The following ENTPD1 variants were observed in gnomAD, a reference collection of about 807,000 sequenced individuals.
ENTPD1 encodes the protein ectonucleoside triphosphate diphosphohydrolase 1, also known as ATP diphosphohydrolase.
Under a neutral mutation model 57.0 loss-of-function variants are expected in ENTPD1, and 33 were observed. The ratio of observed to expected loss-of-function variants is 0.58; its 90% CI spans 0.44 to 0.77. The LOEUF is 0.77. ENTPD1 is among the 30% of genes least tolerant of loss of function. ENTPD1 has a pLI of 0.00. For missense variants in ENTPD1, 501 were observed against 603.4 expected (o/e 0.83, Z 1.78); for synonymous variants, 202 against 218.8 (o/e 0.92, Z 0.68).
chr10:95,873,138 A>G lies in ENTPD1; in HGVS notation c.*6755A>G, dbSNP rs2098482287. The G allele has an allele frequency of 3.1e-6, 3 of 982,824 alleles. No individual in the cohort carries two copies. The highest frequency in any genetic ancestry group is 1.7e-5 in the African/African-American group (1 of 57,190). The allele number at this position is 982,824 out of a possible 1,614,324, so 60.9% of individuals were successfully genotyped here. The stretch of plus-strand genomic sequence containing the variant: ...ACATTTCCAACAAGCTGCCAGGTAA[A>G]GCCAATACATCTGTCCAGGAATCAC... On this transcript the variant is annotated 3_prime_UTR_variant, in exon 10 of 10. Coordinates refer to ENST00000371205, the MANE Select transcript of ENTPD1 (RefSeq NM_001776.6).
chr10:95,694,895 A>ATTTTT, the ENTPD1 span, among the ~76,000 whole-genome samples: 127 of 98,724 alleles, frequency 1.3e-3, 1 homozygote, highest in African/African-American at 2.0e-3. Flanking sequence ...TGAGGAGCTG[A>ATTTTT]TTTTTTTTTT....
chr10:95,730,303 T>C (rs1162065650), intron 1 of ENTPD1, among the ~76,000 whole-genome samples: 1 of 152,054 alleles, frequency 6.6e-6, no homozygotes, highest in East Asian at 1.9e-4. Flanking sequence ...GAGCTTCCTG[T>C]CTCAGCCCCC....
At chr10:95,784,361 C>T (rs2098169980) in intron 1 of ENTPD1, among the ~76,000 whole-genome samples, 1 of 152,074 alleles carries the variant, frequency 6.6e-6, no homozygotes, top group Non-Finnish European at 1.5e-5. Flanking sequence ...TGGCTTGCTG[C>T]CAGCATTTTC....
Position 95,867,397 on chromosome 10 carries a change from T to G in ENTPD1, c.*1014T>G. 1 of 985,444 alleles carries G rather than the reference T, an allele frequency of 1.0e-6. No homozygotes were observed. The highest frequency in any genetic ancestry group is 1.2e-6 in the Non-Finnish European group (1 of 829,934). 61.0% of individuals were successfully genotyped at this position (985,444 alleles called of 1,614,324 possible). A position where few individuals can be genotyped will look rare whatever the true frequency, so the allele number is the denominator to read the frequency against. Reference sequence around the variant, plus strand: ...CTGGGTAGGCAGAAACCATAGATCTTTTGTGTTTACAGCTATGGAAACCAA... The same window carrying G: ...CTGGGTAGGCAGAAACCATAGATCTGTTGTGTTTACAGCTATGGAAACCAA... On this transcript the variant is annotated 3_prime_UTR_variant, in exon 10 of 10. Coordinates refer to ENST00000371205, the MANE Select transcript of ENTPD1 (RefSeq NM_001776.6).
At chr10:95,857,224 C>T (rs184596556) in intron 7 of ENTPD1, among the ~76,000 whole-genome samples, 4 of 152,196 alleles carry the variant, frequency 2.6e-5, no homozygotes, top group South Asian at 2.1e-4. Context: ...CTGACTTGAT[C>T]GCTATGTATC....
At chr10:95,703,942 T>C in the ENTPD1 span, among the ~76,000 whole-genome samples, 1 of 151,104 alleles carries the variant, frequency 6.6e-6, no homozygotes, top group East Asian at 1.9e-4. Flanking sequence ...ATACAAAAAA[T>C]TAGCCAGGCA....
In ENTPD1 at chr10:95,869,266, TTGA is replaced by T. The variant is rs2098477880; in HGVS notation, c.*2884_*2886del. ...CTTTTTTTTTTTTTTTTTTTTTTTT[TTGA>T]GAGAGAGTCTCACTCCATTGCCCAG... On this transcript the variant is annotated 3_prime_UTR_variant, in exon 10 of 10. Transcript: ENST00000371205. The T allele has an allele frequency of 9.1e-6, 6 of 658,670 alleles. No homozygotes were observed. The highest frequency in any genetic ancestry group is 6.6e-5 in the African/African-American group (3 of 45,220). The allele number at this position is 658,670 out of a possible 1,614,324, so 40.8% of individuals were successfully genotyped here.
chr10:95,802,578 G>T (rs1340976516), intron 1 of ENTPD1, among the ~76,000 whole-genome samples: 1 of 152,044 alleles, frequency 6.6e-6, no homozygotes, highest in African/African-American at 2.4e-5. Context: ...ATTCACATTA[G>T]GTATTTCTCC....
rs2098482120 is a variant in ENTPD1 at position 95,872,974 on chromosome 10, T to C, written c.*6591T>C. The C allele has an allele frequency of 2.1e-5, 21 of 985,414 alleles. No individual in the cohort carries two copies. Among genetic ancestry groups the C allele is most frequent in the Non-Finnish European group, 2.4e-5 (20 of 829,906 alleles). 61.0% of individuals were successfully genotyped at this position (985,414 alleles called of 1,614,324 possible). A position where few individuals can be genotyped will look rare whatever the true frequency, so the allele number is the denominator to read the frequency against. On this transcript the variant is annotated 3_prime_UTR_variant, in exon 10 of 10. Transcript: ENST00000371205. ...CATTATTAAAACAGAATTTTAAGGA[T>C]TAGAATGAACCTTAAAAGATCATGC... is the stretch of plus-strand genomic sequence containing the variant.
chr10:95,750,272 T>C (rs1048781780), intron 1 of ENTPD1, among the ~76,000 whole-genome samples: 3 of 152,162 alleles, frequency 2.0e-5, no homozygotes, highest in Admixed American at 2.0e-4. Context: ...GTTTGGATAT[T>C]TGTCACTTCC....
chr10:95,696,357 T>C, the ENTPD1 span, among the ~76,000 whole-genome samples: 1 of 152,210 alleles, frequency 6.6e-6, no homozygotes, highest in Admixed American at 6.5e-5. Flanking sequence ...CTTGGCTCAC[T>C]GCAACCTCCA....
rs908678686 is a variant in ENTPD1 at position 95,759,928 on chromosome 10, T to A, written c.16+3673T>A. Among the ~76,000 whole-genome samples the A allele has an allele frequency of 2.7e-4, 41 of 152,294 alleles. 1 individual carries two copies. Among genetic ancestry groups the A allele is most frequent in the Admixed American group, 7.2e-4 (11 of 15,302 alleles). On this transcript the variant is annotated intron_variant, in intron 1 of 9. Coordinates refer to ENST00000371205, the MANE Select transcript of ENTPD1 (RefSeq NM_001776.6). ...TAGGCAGAGGGGAAATTTTGACTGA[T>A]GTGGTTAGGCTGCAAAGTCTGGGAT...
At chr10:95,842,066 A>C (rs1292634059) in intron 3 of ENTPD1, among the ~76,000 whole-genome samples, 1 of 152,198 alleles carries the variant, frequency 6.6e-6, no homozygotes, top group East Asian at 1.9e-4. Flanking sequence ...TAATATCCCC[A>C]TTAAAGTCTG....
chr10:95,781,062 C>T (rs1238416801), intron 1 of ENTPD1, among the ~76,000 whole-genome samples: 1 of 152,164 alleles, frequency 6.6e-6, no homozygotes, highest in East Asian at 1.9e-4. Flanking sequence ...ACACAATGGA[C>T]TGCTATTCAG....
chr10:95,809,391 A>C (rs1297419602), intron 1 of ENTPD1, among the ~76,000 whole-genome samples: 12 of 117,358 alleles, frequency 1.0e-4, no homozygotes, highest in Admixed American at 2.5e-4. Flanking sequence ...GGCGCCCCCC[A>C]CCCCCCAGAC....
upstream of ENTPD1, chr10:95,756,114 C>T: frequency 6.5e-7 from 1 of 1,532,666 alleles, no homozygotes; most frequent in Non-Finnish European, 8.8e-7. Context: ...TAGCCCCTCC[C>T]ACGAGCCCAA....
chr10:95,807,534 C>T (rs1205411493), intron 1 of ENTPD1, among the ~76,000 whole-genome samples: 2 of 152,230 alleles, frequency 1.3e-5, no homozygotes, highest in African/African-American at 2.4e-5. Context: ...CAACCAGTTC[C>T]AATGAGTTGA....
At chr10:95,758,493 C>T (rs757811828) in intron 1 of ENTPD1, among the ~76,000 whole-genome samples, 5 of 152,132 alleles carry the variant, frequency 3.3e-5, no homozygotes, top group Non-Finnish European at 7.4e-5. Flanking sequence ...TTCTCTAATC[C>T]TTCAAGTCTA....
chr10:95,725,702 T>G (rs1218023119), intron 1 of ENTPD1, among the ~76,000 whole-genome samples: 1 of 152,244 alleles, frequency 6.6e-6, no homozygotes, highest in Admixed American at 6.5e-5. Context: ...CTGCTCAATC[T>G]GTTTGTGAGT....
Sources: allele counts gnomAD v4.1 joint callset (sites outside exome capture counted in the v4.1 genomes callset), GRCh38; gene constraint gnomAD v4.1.1; transcripts MANE v1.5; gene names NCBI Gene and HGNC (gene_info 2026-07-23, HGNC 2026-07-21).